STAG1: variants seen among roughly 807,000 people sequenced by gnomAD.
STAG1 encodes the protein cohesin subunit SA-1.
Under a neutral mutation model 170.9 loss-of-function variants are expected in STAG1, and 26 were observed. That is an observed-to-expected ratio of 0.15 (90% confidence interval 0.11 to 0.21). The LOEUF is 0.21. Ranked by LOEUF, STAG1 falls within the 10% of genes least tolerant of loss-of-function variation. The pLI, the probability that STAG1 is intolerant of heterozygous loss-of-function variation, is 1.00. For synonymous variants in STAG1, 514 were observed against 497.7 expected (o/e 1.03, Z -0.44); for missense variants, 964 against 1,509.5 (o/e 0.64, Z 5.99).
intron 1 of STAG1, among the ~76,000 whole-genome samples, chr3:136,651,080 A>G (rs1026894384): frequency 6.6e-6 from 1 of 152,186 alleles, no homozygotes; most frequent in Non-Finnish European, 1.5e-5. Context: ...TTAAAGTATC[A>G]TGTGCTGGGC....
intron 1 of STAG1, among the ~76,000 whole-genome samples, chr3:136,667,929 T>C (rs998586270): frequency 2.6e-5 from 4 of 152,146 alleles, no homozygotes; most frequent in African/African-American, 9.7e-5. Context: ...GGCTCATGCC[T>C]GTAATCCCAG....
chr3:136,367,802 A>G lies in STAG1; in HGVS notation c.2546-720T>C, dbSNP rs570819077. Among the ~76,000 whole-genome samples, 5 of 152,294 alleles carry G rather than the reference A, an allele frequency of 3.3e-5. No homozygotes were observed. In the South Asian group the frequency reaches 1.0e-3, roughly 32 times the overall value. ...TTATGCACATATAAAAAATTTTTAA[A>G]GCCCTATCAAATACTTTCAAAACAA... On this transcript the variant is annotated intron_variant, in intron 24 of 33. Transcript: ENST00000383202.
Position 136,523,212 on chromosome 3 carries a change from C to A in STAG1, c.472-1795G>T, listed in dbSNP as rs112582685. On this transcript the variant is annotated intron_variant, in intron 6 of 33. Coordinates refer to ENST00000383202, the MANE Select transcript of STAG1 (RefSeq NM_005862.3). The stretch of plus-strand genomic sequence containing the variant: ...AGTGTAAAAGTGTTCCTATTTCTCC[C>A]CATCCTCTTCAGTACCTGTCATTTC... 6.6e-3 allele frequency among the ~76,000 whole-genome samples: 1,004 copies of A among 152,168 alleles called. 13 individuals are homozygous for A. The highest frequency in any genetic ancestry group is 0.023 in the African/African-American group (941 of 41,506).
intron 4 of STAG1, among the ~76,000 whole-genome samples, chr3:136,587,358 G>A (rs1294430883): frequency 6.6e-6 from 1 of 152,004 alleles, no homozygotes; most frequent in Non-Finnish European, 1.5e-5. Context: ...TGGCCATCAT[G>A]GTGAAACCCT....
At chr3:136,645,876 T>C (rs1940991222) in intron 1 of STAG1, among the ~76,000 whole-genome samples, 1 of 152,216 alleles carries the variant, frequency 6.6e-6, no homozygotes, top group Non-Finnish European at 1.5e-5. Flanking sequence ...TGAAGGTATC[T>C]GCATCTTAGT....
At chr3:136,614,019 G>C (rs1027024980) in intron 3 of STAG1, among the ~76,000 whole-genome samples, 2 of 151,914 alleles carry the variant, frequency 1.3e-5, no homozygotes, top group South Asian at 2.1e-4. Flanking sequence ...GTTTGAGACC[G>C]GCCTGGCCAG....
chr3:136,553,222 G>A (rs1311405711), intron 5 of STAG1, among the ~76,000 whole-genome samples: 1 of 152,028 alleles, frequency 6.6e-6, no homozygotes, highest in Non-Finnish European at 1.5e-5. Flanking sequence ...AAGAGTAAAA[G>A]AACTCGAATT....
At chr3:136,708,957 CT>C (rs1334380137) in intron 1 of STAG1, among the ~76,000 whole-genome samples, 2 of 141,456 alleles carry the variant, frequency 1.4e-5, no homozygotes, top group Non-Finnish European at 3.0e-5. Flanking sequence ...GCATGTACCA[CT>C]GCAGCTGGCT....
chr3:136,541,873 A>C (rs1319640633), intron 6 of STAG1, among the ~76,000 whole-genome samples: 1 of 152,140 alleles, frequency 6.6e-6, no homozygotes, highest in African/African-American at 2.4e-5. Context: ...AAATATCAAG[A>C]ATCTACTTTT....
intron 9 of STAG1, among the ~76,000 whole-genome samples, chr3:136,485,530 G>A (rs932005746): frequency 3.3e-5 from 5 of 152,214 alleles, no homozygotes; most frequent in Middle Eastern, 3.4e-3. Context: ...ACATGCGTGG[G>A]ACAAGAATAT....
intron 1 of STAG1, among the ~76,000 whole-genome samples, chr3:136,640,202 GTTCA>G (rs2080056912): frequency 6.6e-6 from 1 of 152,086 alleles, no homozygotes; most frequent in Admixed American, 6.6e-5. Flanking sequence ...AGTTGTAGTG[GTTCA>G]TTATTTTGTT....
intron 1 of STAG1, among the ~76,000 whole-genome samples, chr3:136,644,633 T>G (rs924928700): frequency 2.0e-5 from 3 of 152,252 alleles, no homozygotes; most frequent in Non-Finnish European, 2.9e-5. Context: ...CAGGCTGTTA[T>G]GTGGAATTAA....
intron 22 of STAG1, among the ~76,000 whole-genome samples, chr3:136,385,302 T>TG (rs2108319208): frequency 6.6e-6 from 1 of 152,104 alleles, no homozygotes; most frequent in African/African-American, 2.4e-5. Context: ...CAGCCAGGTG[T>TG]GGTGACATGC....
intron 10 of STAG1, among the ~76,000 whole-genome samples, chr3:136,476,464 CA>C (rs1403304125): frequency 5.9e-5 from 9 of 152,098 alleles, no homozygotes; most frequent in African/African-American, 2.2e-4. Context: ...TATGGTATTC[CA>C]GGGGGCAAGA....
chr3:136,673,181 G>A (rs1035060130), intron 1 of STAG1, among the ~76,000 whole-genome samples: 27 of 152,214 alleles, frequency 1.8e-4, no homozygotes, highest in Admixed American at 1.3e-4. Flanking sequence ...TCTAGAAGCA[G>A]CAAAGTTGAA....
intron 6 of STAG1, among the ~76,000 whole-genome samples, chr3:136,523,204 A>G (rs1934783646): frequency 1.3e-5 from 2 of 151,998 alleles, no homozygotes; most frequent in South Asian, 4.1e-4. Context: ...AAGTGTTCCT[A>G]TTTCTCCCCA....
intron 1 of STAG1, among the ~76,000 whole-genome samples, chr3:136,674,637 T>C (rs1289757032): frequency 6.6e-6 from 1 of 152,230 alleles, no homozygotes; most frequent in African/African-American, 2.4e-5. Flanking sequence ...GGACACATTA[T>C]CAGTATACTA....
chr3:136,469,350 A>C (rs1263459296), intron 12 of STAG1, among the ~76,000 whole-genome samples: 1 of 151,924 alleles, frequency 6.6e-6, no homozygotes, highest in Non-Finnish European at 1.5e-5. Flanking sequence ...ACAGACAAAC[A>C]GAGAGCCAAA....
At chr3:136,408,802 A>G (rs1361504778) in intron 21 of STAG1, among the ~76,000 whole-genome samples, 1 of 152,104 alleles carries the variant, frequency 6.6e-6, no homozygotes, top group African/African-American at 2.4e-5. Flanking sequence ...TTTTTGACTT[A>G]GAAGTCTAGA....
Sources: allele counts gnomAD v4.1 joint callset (sites outside exome capture counted in the v4.1 genomes callset), GRCh38; gene constraint gnomAD v4.1.1; transcripts MANE v1.5; gene names NCBI Gene and HGNC (gene_info 2026-07-23, HGNC 2026-07-21).